LCLAT1: variants seen among roughly 807,000 people sequenced by gnomAD.
The protein encoded by LCLAT1 is 1-AGP acyltransferase 8.
LCLAT1 carries 11 observed loss-of-function variants against 30.7 expected under a neutral mutation model. That is an observed-to-expected ratio of 0.36 (90% CI 0.23 to 0.59). The LOEUF (loss-of-function observed/expected upper bound fraction) is 0.59. Among genes scored for constraint, LCLAT1 ranks in the 20% least tolerant of loss-of-function variants. LCLAT1 has a pLI of 0.77. For synonymous variants in LCLAT1, 155 were observed against 151.3 expected (o/e 1.02, Z -0.18); for missense variants, 402 against 458.6 (o/e 0.88, Z 1.13).
chr2:30,574,648 G>A lies in LCLAT1; in HGVS notation c.628+6472G>A, dbSNP rs555303520. Among the ~76,000 whole-genome samples, 6 of 152,242 alleles carry A rather than the reference G, an allele frequency of 3.9e-5. 1 individual carries two copies. The South Asian group carries it at 1.0e-3, about 26-fold the overall frequency. On this transcript the variant is annotated intron_variant, in intron 5 of 5. Coordinates refer to ENST00000379509, the MANE Select transcript of LCLAT1 (RefSeq NM_001002257.3). ...TAGAGTGTCTCAACTCTAAAGGTAC[G>A]GGTAGACTGCATGTCCTTCAGACGA...
At chr2:30,619,015 T>A (rs941059612) in intron 5 of LCLAT1, among the ~76,000 whole-genome samples, 2 of 152,192 alleles carry the variant, frequency 1.3e-5, no homozygotes, top group Non-Finnish European at 2.9e-5. Flanking sequence ...AGTAGAGCTA[T>A]ATGGCTTCTT....
intron 3 of LCLAT1, among the ~76,000 whole-genome samples, chr2:30,541,840 G>T (rs889826794): frequency 6.6e-6 from 1 of 151,850 alleles, no homozygotes. Context: ...TACCAGTAGT[G>T]TAAGAGAGAG....
At chr2:30,601,280 T>C (rs1356130398) in intron 5 of LCLAT1, among the ~76,000 whole-genome samples, 1 of 152,186 alleles carries the variant, frequency 6.6e-6, no homozygotes, top group Non-Finnish European at 1.5e-5. Context: ...AACAAGGTGA[T>C]ATTTATAACA....
intron 1 of LCLAT1, among the ~76,000 whole-genome samples, chr2:30,518,370 ACT>A (rs892791979): frequency 3.3e-5 from 5 of 152,194 alleles, no homozygotes; most frequent in African/African-American, 1.2e-4. Flanking sequence ...TGATAGGAAA[ACT>A]CTTGTAGAAG....
intron 5 of LCLAT1, among the ~76,000 whole-genome samples, chr2:30,600,392 A>C (rs1667128001): frequency 6.6e-6 from 1 of 152,166 alleles, no homozygotes; most frequent in Non-Finnish European, 1.5e-5. Flanking sequence ...AATTTATAGC[A>C]CTAAATGCTC....
chr2:30,525,366 G>A (rs1023344967), intron 1 of LCLAT1, among the ~76,000 whole-genome samples: 21 of 152,058 alleles, frequency 1.4e-4, no homozygotes, highest in Admixed American at 1.0e-3. Flanking sequence ...GTGAGTCGCC[G>A]CACCCGACCA....
intron 5 of LCLAT1, among the ~76,000 whole-genome samples, chr2:30,596,327 T>C (rs1666929018): frequency 6.6e-6 from 1 of 152,050 alleles, no homozygotes; most frequent in Non-Finnish European, 1.5e-5. Context: ...TTTAAATAAT[T>C]GCCATTTGGA....
At chr2:30,475,403 G>A (rs1304204542) in intron 1 of LCLAT1, among the ~76,000 whole-genome samples, 1 of 152,080 alleles carries the variant, frequency 6.6e-6, no homozygotes, top group Non-Finnish European at 1.5e-5. Flanking sequence ...ATGTAATCTG[G>A]TATTATATGC....
chr2:30,478,665 CAAT>C (rs1683162849), intron 1 of LCLAT1, among the ~76,000 whole-genome samples: 1 of 149,148 alleles, frequency 6.7e-6, no homozygotes, highest in African/African-American at 2.5e-5. Flanking sequence ...GAGAACCTGT[CAAT>C]AAATAAATAA....
chr2:30,568,412 C>G, intron 5 of LCLAT1, among the ~76,000 whole-genome samples: 1 of 148,444 alleles, frequency 6.7e-6, no homozygotes, highest in Non-Finnish European at 1.5e-5. Flanking sequence ...AGACATAACT[C>G]TATATTACAT....
intron 1 of LCLAT1, among the ~76,000 whole-genome samples, chr2:30,470,382 G>A (rs1682714528): frequency 6.6e-6 from 1 of 152,178 alleles, no homozygotes; most frequent in African/African-American, 2.4e-5. Context: ...GCAGAATTCA[G>A]GCTCCTACTG....
Position 30,640,100 on chromosome 2 carries a change from A to T in LCLAT1, c.629-17A>T. 6.3e-7 allele frequency: 1 copy of T among 1,595,126 alleles called. No individual in the cohort carries two copies. Among genetic ancestry groups the T allele is most frequent in the Non-Finnish European group, 8.5e-7 (1 of 1,170,428 alleles). ...TGAGCACTGCTTAATCTATGTTTTC[A>T]TCTTTTCGAAACCCAGGTAAGAACC... On this transcript the variant is annotated splice_polypyrimidine_tract_variant and intron_variant, in intron 5 of 5. Coordinates refer to ENST00000379509, the MANE Select transcript of LCLAT1 (RefSeq NM_001002257.3).
At chr2:30,538,836 A>G (rs1008587991) in intron 3 of LCLAT1, among the ~76,000 whole-genome samples, 3 of 152,126 alleles carry the variant, frequency 2.0e-5, no homozygotes, top group Non-Finnish European at 2.9e-5. Context: ...ATAGGGAAAA[A>G]CAGAAAACCC....
intron 5 of LCLAT1, chr2:30,606,434 T>C (rs28791555): frequency 0.14 from 19,077 of 140,590 alleles, 1,402 homozygotes; most frequent in South Asian, 0.25. Flanking sequence ...AATAAGTCCG[T>C]GCAACTACAG....
chr2:30,622,578 A>G (rs1283930414), intron 5 of LCLAT1, among the ~76,000 whole-genome samples: 11 of 152,196 alleles, frequency 7.2e-5, no homozygotes, highest in Admixed American at 7.2e-4. Context: ...CCTCCACCAG[A>G]GCAGGTGCTG....
chr2:30,560,327 T>TGTGTGTGTGTGTG (rs1453741640), intron 3 of LCLAT1, among the ~76,000 whole-genome samples: 1 of 141,890 alleles, frequency 7.0e-6, no homozygotes, highest in African/African-American at 2.7e-5. Flanking sequence ...TGTGTGTGTA[T>TGTGTGTGTGTGTG]TATTTATTTA....
At chr2:30,579,514 C>T (rs1666125936) in intron 5 of LCLAT1, among the ~76,000 whole-genome samples, 1 of 152,060 alleles carries the variant, frequency 6.6e-6, no homozygotes, top group Non-Finnish European at 1.5e-5. Flanking sequence ...TCCGGTGTCA[C>T]AGAAACAGCA....
chr2:30,482,110 T>G (rs1272905312), intron 1 of LCLAT1, among the ~76,000 whole-genome samples: 6 of 152,222 alleles, frequency 3.9e-5, no homozygotes, highest in Admixed American at 6.5e-5. Context: ...ATGCAAAAAC[T>G]ATTTCATCTT....
intron 5 of LCLAT1, among the ~76,000 whole-genome samples, chr2:30,635,694 AAAT>A (rs934802001): frequency 6.6e-6 from 1 of 152,208 alleles, no homozygotes; most frequent in Non-Finnish European, 1.5e-5. Flanking sequence ...AAAGAAAAAA[AAAT>A]ACCATGGAAC....
Sources: gnomAD v4.1 joint callset for allele counts (sites outside exome capture counted in the v4.1 genomes callset) on GRCh38, gnomAD v4.1.1 for gene constraint, MANE v1.5 for transcripts, NCBI Gene and HGNC (gene_info 2026-07-23, HGNC 2026-07-21) for gene names.